The following MBNL2 variants were observed in gnomAD, a reference collection of about 807,000 sequenced individuals.
The protein encoded by MBNL2 is muscleblind-like protein 2.
MBNL2 carries 17 observed loss-of-function variants against 41.9 expected under a neutral mutation model. The ratio of observed to expected loss-of-function variants is 0.41; its 90% CI spans 0.28 to 0.61. MBNL2 has a LOEUF of 0.61. Ranked by LOEUF, MBNL2 falls within the 20% of genes least tolerant of loss-of-function variation. MBNL2 has a pLI of 0.35. For synonymous variants in MBNL2, 195 were observed against 182.9 expected, an observed-to-expected ratio of 1.07 and a Z score of -0.53; for missense variants, 336 against 505.6, an observed-to-expected ratio of 0.66 and a Z score of 3.22.
intron 2 of MBNL2, among the ~76,000 whole-genome samples, chr13:97,289,944 A>G (rs988255558): frequency 1.3e-5 from 2 of 152,244 alleles, no homozygotes; most frequent in African/African-American, 4.8e-5. Context: ...AATCAGAAGT[A>G]ACAAACAAAT....
At chr13:97,145,957 C>CTCTTT in the MBNL2 span, among the ~76,000 whole-genome samples, 16,121 of 143,862 alleles carry the variant, frequency 0.11, 961 homozygotes, top group Middle Eastern at 0.18. Context: ...CAGGGTTCTA[C>CTCTTT]TCTTTTCTTT....
intron 5 of MBNL2, among the ~76,000 whole-genome samples, chr13:97,352,868 C>T (rs1281274074): frequency 6.6e-6 from 1 of 152,156 alleles, no homozygotes; most frequent in Non-Finnish European, 1.5e-5. Context: ...CCTCAATGGA[C>T]CAGTTTTAAC....
intron 1 of MBNL2, among the ~76,000 whole-genome samples, chr13:97,263,564 A>C (rs1177321560): frequency 6.6e-6 from 1 of 152,142 alleles, no homozygotes; most frequent in Non-Finnish European, 1.5e-5. Context: ...GGAGTACAGG[A>C]TTTTGATGTC....
At chr13:97,351,489 C>G (rs1257864929) in intron 5 of MBNL2, among the ~76,000 whole-genome samples, 1 of 152,204 alleles carries the variant, frequency 6.6e-6, no homozygotes, top group Non-Finnish European at 1.5e-5. Context: ...TCTGGCTTGT[C>G]TACGTTGACA....
chr13:97,194,584 G>A, the MBNL2 span, among the ~76,000 whole-genome samples: 2,226 of 152,186 alleles, frequency 0.015, 47 homozygotes, highest in African/African-American at 0.05. Flanking sequence ...CTGCATTCCC[G>A]GGAGGTTAGA....
At chr13:97,193,061 C>T in the MBNL2 span, among the ~76,000 whole-genome samples, 2 of 152,152 alleles carry the variant, frequency 1.3e-5, no homozygotes, top group African/African-American at 4.8e-5. Context: ...TTTTTTAGCT[C>T]AGTGGTTACA....
At chr13:97,175,754 C>T in the MBNL2 span, among the ~76,000 whole-genome samples, 9 of 152,240 alleles carry the variant, frequency 5.9e-5, no homozygotes, top group South Asian at 1.7e-3. Context: ...CAGAGGGACT[C>T]TCTGGTAGCT....
chr13:97,238,205 T>C lies in MBNL2; in HGVS notation c.-605+15674T>C, dbSNP rs1007601772. 5.3e-5 allele frequency among the ~76,000 whole-genome samples: 8 copies of C among 152,200 alleles called. No homozygotes were observed. The East Asian group carries it at 1.3e-3, about 26-fold the overall frequency. The stretch of plus-strand genomic sequence containing the variant: ...TTGGAATTCATCCACAGAAGACTGA[T>C]GTTTGAAATCATAGAGGAATTGAGA... On this transcript the variant is annotated intron_variant, in intron 1 of 8. Coordinates refer to ENST00000679496, the MANE Select transcript of MBNL2 (RefSeq NM_001382683.1).
rs1457361979 is a variant in MBNL2, at chr13:97,334,514, G to C, written c.339+74G>C. The C allele has an allele frequency of 8.9e-7, 1 of 1,120,490 alleles. No individual in the cohort carries two copies. Among genetic ancestry groups the C allele is most frequent in the Admixed American group, 2.7e-5 (1 of 37,262 alleles). 69.4% of individuals were successfully genotyped at this position (1,120,490 alleles called of 1,614,324 possible). ...ATGGATGATGCCACGTTGACCTAGG[G>C]TGGCCTCTCTCCACTTTGTCACTTT... is the stretch of plus-strand genomic sequence containing the variant. On this transcript the variant is annotated intron_variant, in intron 3 of 8. Coordinates refer to ENST00000679496, the MANE Select transcript of MBNL2 (RefSeq NM_001382683.1). This position sits in a 1 kb window ranked among gnomAD's most constrained non-coding sequence, Gnocchi z 5.3.
At chr13:97,356,534 A>T (rs916359046) in intron 5 of MBNL2, among the ~76,000 whole-genome samples, 3 of 152,138 alleles carry the variant, frequency 2.0e-5, no homozygotes, top group Admixed American at 2.0e-4. Context: ...ATATGCTTTT[A>T]ACTAAGGTAT....
At chr13:97,255,733 CCTCATGTG>C (rs2047401768) in intron 1 of MBNL2, among the ~76,000 whole-genome samples, 1 of 152,168 alleles carries the variant, frequency 6.6e-6, no homozygotes, top group Admixed American at 6.5e-5. Context: ...CTGTTTAGGA[CCTCATGTG>C]CTGTGTTTAG....
chr13:97,232,364 T>C (rs2042504369), intron 1 of MBNL2, among the ~76,000 whole-genome samples: 1 of 152,230 alleles, frequency 6.6e-6, no homozygotes, highest in Non-Finnish European at 1.5e-5. Flanking sequence ...TTTATGCATT[T>C]TTAATTTACC....
intron 8 of MBNL2, among the ~76,000 whole-genome samples, chr13:97,371,515 T>C (rs2064375866): frequency 6.6e-6 from 1 of 152,122 alleles, no homozygotes; most frequent in Non-Finnish European, 1.5e-5. Flanking sequence ...TGGGAGCGGC[T>C]GCAGCGTAGG....
chr13:97,200,789 A>G, the MBNL2 span, among the ~76,000 whole-genome samples: 1 of 152,206 alleles, frequency 6.6e-6, no homozygotes, highest in Admixed American at 6.5e-5. Context: ...TCGTGGGCTA[A>G]GGAAGCATGT....
chr13:97,222,279 C>T (rs564486899), upstream of MBNL2: 126 of 396,250 alleles, frequency 3.2e-4, no homozygotes, highest in Non-Finnish European at 5.1e-4. Flanking sequence ...TGGCTGGCCC[C>T]GGCTGGGAGG....
intron 2 of MBNL2, among the ~76,000 whole-genome samples, chr13:97,283,574 T>A (rs2053842941): frequency 6.6e-6 from 1 of 152,156 alleles, no homozygotes; most frequent in Non-Finnish European, 1.5e-5. Flanking sequence ...CTAAGAAATC[T>A]TTACCCAGGA....
the MBNL2 span, among the ~76,000 whole-genome samples, chr13:97,151,031 T>C: frequency 6.6e-6 from 1 of 152,098 alleles, no homozygotes; most frequent in South Asian, 2.1e-4. Flanking sequence ...CTAAAAGGAC[T>C]ATAAGAGGTT....
chr13:97,163,652 T>C, the MBNL2 span, among the ~76,000 whole-genome samples: 1 of 152,144 alleles, frequency 6.6e-6, no homozygotes, highest in Non-Finnish European at 1.5e-5. Context: ...GGTGGCCAAC[T>C]TTATACAAAA....
In MBNL2 at chr13:97,368,824, A is replaced by G. The variant is rs11069261; in HGVS notation, c.1048+3653A>G. On this transcript the variant is annotated intron_variant, in intron 8 of 8. Coordinates refer to ENST00000679496, the MANE Select transcript of MBNL2 (RefSeq NM_001382683.1). ...TCACTTTCAGGAAGGGTGCGAGTGG[A>G]AAAGGAAATAAGTTGAGGTTTCAAC... Among the ~76,000 whole-genome samples, 1,089 of 152,210 alleles carry G rather than the reference A, an allele frequency of 7.2e-3. 14 individuals are homozygous for G. The highest frequency in any genetic ancestry group is 0.024 in the African/African-American group (991 of 41,514).
Sources: gnomAD v4.1 joint callset for allele counts (sites outside exome capture counted in the v4.1 genomes callset) on GRCh38, gnomAD v4.1.1 for gene constraint, Gnocchi (gnomAD v3.1) non-coding constraint, MANE v1.5 for transcripts, NCBI Gene and HGNC (gene_info 2026-07-23, HGNC 2026-07-21) for gene names.